CFAP57: variants seen among roughly 807,000 people sequenced by gnomAD.
CFAP57 encodes the protein cilia- and flagella-associated protein 57.
A neutral mutation model predicts 146.8 loss-of-function variants in CFAP57; 116 were observed. That is an observed-to-expected ratio of 0.79 (90% CI 0.68 to 0.92). The LOEUF is 0.92. CFAP57 is among the 40% of genes least tolerant of loss of function. CFAP57 has a pLI of 0.00. For missense variants in CFAP57, 1,377 were observed against 1,527.2 expected, an observed-to-expected ratio of 0.90 and a Z score of 1.64; for synonymous variants, 518 against 552.8, an observed-to-expected ratio of 0.94 and a Z score of 0.88.
At chr1:43,225,842 C>A (rs1469579685) in intron 17 of CFAP57, among the ~76,000 whole-genome samples, 1 of 152,194 alleles carries the variant, frequency 6.6e-6, no homozygotes, top group African/African-American at 2.4e-5. Flanking sequence ...TACTTATGTT[C>A]TGATTACTAT....
chr1:43,183,153 G>A (rs1645488106), intron 3 of CFAP57, among the ~76,000 whole-genome samples: 1 of 152,238 alleles, frequency 6.6e-6, no homozygotes, highest in African/African-American at 2.4e-5. Context: ...GTAAGTAGAG[G>A]AGCAGGTGTA....
rs565103276 is a variant in CFAP57 at position 43,186,668 on chromosome 1, G to A, written c.970-39G>A. On this transcript the variant is annotated intron_variant, in intron 5 of 22. Transcript: ENST00000372492. ...GAAAGCCTAAGGCCACAATGACAAC[G>A]TGGGGACATTACTGATAGCTGTTTT... 2.7e-5 allele frequency: 43 copies of A among 1,599,398 alleles called. No homozygotes were observed. The Admixed American group carries it at 2.8e-4, about 11-fold the overall frequency.
chr1:43,175,819 G>GT (rs61528121), intron 2 of CFAP57, among the ~76,000 whole-genome samples: 2,760 of 137,640 alleles, frequency 0.02, 58 homozygotes, highest in African/African-American at 0.051. Context: ...ATGTTTTTGG[G>GT]TTTTTTTTTT....
chr1:43,180,513 C>T (rs2047196), intron 2 of CFAP57, among the ~76,000 whole-genome samples: 16,057 of 151,756 alleles, frequency 0.11, 2,047 homozygotes, highest in African/African-American at 0.31. Flanking sequence ...AGTGATGTGA[C>T]GGGTCCCCAT....
intron 21 of CFAP57, among the ~76,000 whole-genome samples, chr1:43,235,594 C>T (rs1011928506): frequency 2.6e-5 from 4 of 152,284 alleles, no homozygotes; most frequent in Admixed American, 1.3e-4. Context: ...TGTCATCTTA[C>T]GACCAGTCCC....
Position 43,172,358 on chromosome 1 carries a change from C to A in CFAP57, c.-115C>A. 1 of 1,551,614 alleles carries A rather than the reference C, an allele frequency of 6.4e-7. No individual in the cohort carries two copies. Among genetic ancestry groups the A allele is most frequent in the African/African-American group, 1.4e-5 (1 of 73,126 alleles). On this transcript the variant is annotated 5_prime_UTR_variant, in exon 1 of 23. Coordinates refer to ENST00000372492, the MANE Select transcript of CFAP57 (RefSeq NM_001378189.1). The stretch of plus-strand genomic sequence containing the variant: ...TCCGGTTTGTCGTTGCTATAGGAAC[C>A]GCTACGGCGTTTGAAAGTGTCCGGG...
At chr1:43,182,491 G>T (rs1199058507) in intron 3 of CFAP57, among the ~76,000 whole-genome samples, 1 of 152,218 alleles carries the variant, frequency 6.6e-6, no homozygotes, top group Non-Finnish European at 1.5e-5. Context: ...GCTAATCAGT[G>T]TCTCTGGCAT....
At chr1:43,181,165 A>G (rs1446478358) in intron 2 of CFAP57, among the ~76,000 whole-genome samples, 1 of 152,116 alleles carries the variant, frequency 6.6e-6, no homozygotes, top group African/African-American at 2.4e-5. Flanking sequence ...TCCACCTCCC[A>G]GGTTCAAGTG....
At chr1:43,218,812 C>CT (rs944880370) in intron 12 of CFAP57, among the ~76,000 whole-genome samples, 45 of 152,192 alleles carry the variant, frequency 3.0e-4, no homozygotes, top group African/African-American at 1.1e-3. Flanking sequence ...TCAGTAGACT[C>CT]TAAGTTACAT....
intron 5 of CFAP57, 136 bp downstream of exon 5, chr1:43,185,492 C>A: frequency 1.3e-6 from 1 of 799,836 alleles, no homozygotes; most frequent in Non-Finnish European, 2.1e-6. Context: ...AATGGTGACT[C>A]GAGATGTCTG....
At chr1:43,211,406 T>A (rs1644604457) in intron 11 of CFAP57, 1 of 152,010 alleles carries the variant, frequency 6.6e-6, no homozygotes, top group East Asian at 1.9e-4. Flanking sequence ...AAACCCTGTC[T>A]CTACTAAAAA....
chr1:43,202,097 T>TAACAC (rs1219379849), intron 9 of CFAP57, among the ~76,000 whole-genome samples: 44 of 152,310 alleles, frequency 2.9e-4, no homozygotes, highest in Non-Finnish European at 2.9e-5. Context: ...GGTCTCTAAT[T>TAACAC]AGGGATATAT....
intron 6 of CFAP57, among the ~76,000 whole-genome samples, chr1:43,192,359 C>T (rs1018117748): frequency 3.3e-5 from 5 of 152,204 alleles, no homozygotes; most frequent in South Asian, 2.1e-4. Context: ...TGGTGGCTCA[C>T]GCCTGTAATC....
intron 21 of CFAP57, among the ~76,000 whole-genome samples, chr1:43,236,631 C>T (rs1022897473): frequency 6.1e-5 from 9 of 148,478 alleles, no homozygotes; most frequent in Non-Finnish European, 1.3e-4. Context: ...AATTTCCAGC[C>T]GGGCGCAGTG....
chr1:43,243,571 A>C (rs1193671420), intron 22 of CFAP57, among the ~76,000 whole-genome samples: 1 of 152,212 alleles, frequency 6.6e-6, no homozygotes, highest in African/African-American at 2.4e-5. Context: ...CCTGGCTGAC[A>C]TCCTTGAGGT....
rs191579921 is a variant in CFAP57 at position 43,216,708 on chromosome 1, T to C, written c.2091+1292T>C. ...CTTTCTGACTCCTCCTCCCCGCTTC[T>C]GTCCTGGCTCTTCCTCCGCCTGTCC... On this transcript the variant is annotated intron_variant, in intron 12 of 22. Transcript: ENST00000372492. Among the ~76,000 whole-genome samples the C allele has an allele frequency of 1.1e-3, 175 of 152,314 alleles. 1 individual carries two copies. Among genetic ancestry groups the C allele is most frequent in the East Asian group, 5.8e-4 (3 of 5,174 alleles).
intron 4 of CFAP57, among the ~76,000 whole-genome samples, chr1:43,184,675 C>A (rs1337256959): frequency 6.8e-6 from 1 of 146,714 alleles, no homozygotes; most frequent in Non-Finnish European, 1.5e-5. Flanking sequence ...CCTGTAGATT[C>A]TTCTTCCTCA....
rs1645612674 is a variant in CFAP57, at chr1:43,234,585, A to G, written c.3352A>G (p.Lys1118Glu). 6.5e-7 allele frequency: 1 copy of G among 1,550,270 alleles called. No homozygotes were observed. The highest frequency in any genetic ancestry group is 8.7e-7 in the Non-Finnish European group (1 of 1,146,920). The change falls in exon 21 of 23, where the codon AAG (lysine) becomes GAG (glutamate). Residue 1118 changes from lysine to glutamate, a missense_variant. Lys to Glu is a moderately conservative substitution (Grantham distance 56, BLOSUM62 1). Transcript: ENST00000372492. ...LERNLATLKKKVVKEGELHRT... is the reference protein window; with the variant it reads ...LERNLATLKKEVVKEGELHRT... ...GAGGAACCTGGCCACTCTCAAGAAG[A>G]AGGTGGTCAAGGAGGGCGAGCTGCA...
chr1:43,238,628 G>A lies in CFAP57; in HGVS notation c.3405+3990G>A, dbSNP rs1645791014. Reference sequence around the variant, plus strand: ...AAAGCCATCCAAAGCAAAAACGGTCGACCTCAATGTGACCTCGGGACCCCT... The same window carrying A: ...AAAGCCATCCAAAGCAAAAACGGTCAACCTCAATGTGACCTCGGGACCCCT... On this transcript the variant is annotated intron_variant, in intron 21 of 22. Coordinates refer to ENST00000372492, the MANE Select transcript of CFAP57 (RefSeq NM_001378189.1). The surrounding 1 kb of genome is among the most constrained non-coding windows in gnomAD (Gnocchi z 4.3). Among the ~76,000 whole-genome samples, 1 of 152,106 alleles carries A rather than the reference G, an allele frequency of 6.6e-6. No homozygotes were observed. Among genetic ancestry groups the A allele is most frequent in the African/African-American group, 2.4e-5 (1 of 41,408 alleles).
Sources: allele counts gnomAD v4.1 joint callset (sites outside exome capture counted in the v4.1 genomes callset), GRCh38; gene constraint gnomAD v4.1.1; non-coding constraint Gnocchi (gnomAD v3.1); transcripts MANE v1.5; gene names NCBI Gene and HGNC (gene_info 2026-07-23, HGNC 2026-07-21).